The following CALD1 variants were observed in gnomAD, a reference collection of about 807,000 sequenced individuals.
The protein encoded by CALD1 is caldesmon.
CALD1 carries 33 observed loss-of-function variants against 99.9 expected under a neutral mutation model. The observed-to-expected ratio is 0.33, with a 90% CI of 0.25 to 0.44. CALD1 has a LOEUF of 0.44. CALD1 is among the 20% of genes least tolerant of loss of function. The probability of loss-of-function intolerance (pLI) is 1.00; values close to 1 mark genes in which losing one functional copy is unlikely to be tolerated. For missense variants in CALD1, 861 were observed against 962.1 expected (o/e 0.89, Z 1.39); for synonymous variants, 310 against 325.0 (o/e 0.95, Z 0.50).
At chr7:134,959,195 T>C (rs1584679902) in intron 11 of CALD1, among the ~76,000 whole-genome samples, 1 of 152,056 alleles carries the variant, frequency 6.6e-6, no homozygotes, top group East Asian at 1.9e-4. Context: ...TATTTTTATT[T>C]TTGAGATGGA....
chr7:134,843,397 A>G (rs1329134429), intron 1 of CALD1, among the ~76,000 whole-genome samples: 1 of 152,354 alleles, frequency 6.6e-6, no homozygotes, highest in African/African-American at 2.4e-5. Flanking sequence ...TTATCTGAAG[A>G]CAAACTCCAC....
At chr7:134,818,577 C>G (rs1272465985) in intron 1 of CALD1, among the ~76,000 whole-genome samples, 2 of 152,118 alleles carry the variant, frequency 1.3e-5, no homozygotes, top group Non-Finnish European at 2.9e-5. Context: ...GGGTCTACTT[C>G]AAAGAAAGGT....
chr7:134,790,992 A>AGG lies in CALD1; in HGVS notation c.-130+11244_-130+11245dup, dbSNP rs764988232. On this transcript the variant is annotated intron_variant, in intron 1 of 14. Coordinates refer to ENST00000361675, the MANE Select transcript of CALD1 (RefSeq NM_033138.4). ...TCTGTGTGGGTCAGGTAGAAAGTCA[A>AGG]GGACTGTATTTCTCTGTCCATTGAT... is the stretch of plus-strand genomic sequence containing the variant. Among the ~76,000 whole-genome samples, 3 of 149,612 alleles carry AGG rather than the reference A, an allele frequency of 2.0e-5. No homozygotes were observed. The East Asian group carries it at 6.0e-4, about 30-fold the overall frequency.
intron 7 of CALD1, among the ~76,000 whole-genome samples, chr7:134,947,243 A>G (rs1806953594): frequency 6.6e-6 from 1 of 152,146 alleles, no homozygotes; most frequent in Non-Finnish European, 1.5e-5. Context: ...TACTGTTTCC[A>G]TAGCAGCTGC....
chr7:134,770,565 C>G (rs141689041), intron 1 of CALD1, among the ~76,000 whole-genome samples: 1 of 152,066 alleles, frequency 6.6e-6, no homozygotes, highest in Admixed American at 6.5e-5. Context: ...TCTTCTCCTC[C>G]GTGTCTTGTG....
rs1197702718 is a variant in CALD1, at chr7:134,940,969, C to T, written c.1387-123C>T. The T allele has an allele frequency of 4.3e-6, 3 of 690,870 alleles. No homozygotes were observed. The African/African-American group carries it at 5.5e-5, about 13-fold the overall frequency. 42.8% of individuals were successfully genotyped at this position (690,870 alleles called of 1,614,324 possible). A position where few individuals can be genotyped will look rare whatever the true frequency, so the allele number is the denominator to read the frequency against. On this transcript the variant is annotated intron_variant, in intron 6 of 14. Coordinates refer to ENST00000361675, the MANE Select transcript of CALD1 (RefSeq NM_033138.4). ...TCACCTGATTCCAACTCTACCACATCTGAGTGGTTTCTTTCTGAGTTTTCT... is the reference window on the plus strand; with the variant it reads ...TCACCTGATTCCAACTCTACCACATTTGAGTGGTTTCTTTCTGAGTTTTCT...
chr7:134,782,108 C>T (rs1309839740), intron 1 of CALD1, among the ~76,000 whole-genome samples: 3 of 152,180 alleles, frequency 2.0e-5, no homozygotes, highest in Non-Finnish European at 4.4e-5. Flanking sequence ...GTAATTGTCT[C>T]CATTTGCCAT....
At chr7:134,844,870 A>G (rs1436153283) in intron 2 of CALD1, among the ~76,000 whole-genome samples, 2 of 152,148 alleles carry the variant, frequency 1.3e-5, no homozygotes, top group Non-Finnish European at 2.9e-5. Context: ...AACACCAGTC[A>G]TATTGGATTA....
intron 1 of CALD1, among the ~76,000 whole-genome samples, chr7:134,752,863 G>A (rs1049588993): frequency 6.6e-6 from 1 of 151,730 alleles, no homozygotes; most frequent in Admixed American, 6.6e-5. Context: ...TTAGCCAGGC[G>A]TGGTGGCATG....
At chr7:134,796,235 T>C (rs1282279471) in intron 1 of CALD1, among the ~76,000 whole-genome samples, 1 of 152,206 alleles carries the variant, frequency 6.6e-6, no homozygotes, top group Non-Finnish European at 1.5e-5. Context: ...CTGTGTGACT[T>C]TGAATGGCCT....
intron 3 of CALD1, among the ~76,000 whole-genome samples, chr7:134,906,295 G>A (rs528064150): frequency 6.6e-6 from 1 of 152,338 alleles, no homozygotes. Context: ...GACCTGGAAA[G>A]AAATGAATGG....
intron 1 of CALD1, among the ~76,000 whole-genome samples, chr7:134,753,635 G>A (rs2131570757): frequency 6.6e-6 from 1 of 152,322 alleles, no homozygotes; most frequent in Admixed American, 6.5e-5. Flanking sequence ...GCCTTGCAAA[G>A]ACTATGACTT....
chr7:134,805,033 C>T (rs139927388), intron 1 of CALD1, among the ~76,000 whole-genome samples: 78 of 152,306 alleles, frequency 5.1e-4, no homozygotes, highest in African/African-American at 1.7e-3. Flanking sequence ...GAGATGAAAT[C>T]ATAGAAGTAG....
At chr7:134,748,482 G>A (rs1189740918) in intron 1 of CALD1, among the ~76,000 whole-genome samples, 1 of 152,226 alleles carries the variant, frequency 6.6e-6, no homozygotes, top group Non-Finnish European at 1.5e-5. Context: ...GGCTGAGGTG[G>A]GTGGATCACC....
intron 3 of CALD1, among the ~76,000 whole-genome samples, chr7:134,908,839 A>G (rs1803587910): frequency 6.6e-6 from 1 of 152,144 alleles, no homozygotes; most frequent in African/African-American, 2.4e-5. Flanking sequence ...ATATGAAACA[A>G]GTTAGACAGG....
chr7:134,824,901 G>A (rs1226920545), intron 1 of CALD1, among the ~76,000 whole-genome samples: 2 of 152,198 alleles, frequency 1.3e-5, no homozygotes, highest in South Asian at 2.1e-4. Flanking sequence ...GAGCTCCAGG[G>A]CCTGATGTCT....
At chr7:134,751,435 T>C (rs1038226321) in intron 1 of CALD1, among the ~76,000 whole-genome samples, 1 of 152,228 alleles carries the variant, frequency 6.6e-6, no homozygotes, top group Non-Finnish European at 1.5e-5. Context: ...AGGAACCATG[T>C]TCATAGGTTT....
chr7:134,778,010 A>T (rs1406251866), upstream of CALD1, among the ~76,000 whole-genome samples: 1 of 152,224 alleles, frequency 6.6e-6, no homozygotes, highest in East Asian at 1.9e-4. Flanking sequence ...CTGAAATGCA[A>T]CATTGACTGT....
intron 2 of CALD1, among the ~76,000 whole-genome samples, chr7:134,850,840 G>T (rs538087782): frequency 2.0e-5 from 3 of 152,284 alleles, no homozygotes; most frequent in African/African-American, 7.2e-5. Flanking sequence ...GGAAGTAATT[G>T]AATCTTGGGA....
Sources: allele counts gnomAD v4.1 joint callset (sites outside exome capture counted in the v4.1 genomes callset), GRCh38; gene constraint gnomAD v4.1.1; transcripts MANE v1.5; gene names NCBI Gene and HGNC (gene_info 2026-07-23, HGNC 2026-07-21).